ADAM22: variants seen among roughly 807,000 people sequenced by gnomAD.
The protein encoded by ADAM22 is disintegrin and metalloproteinase domain-containing protein 22.
In ADAM22, 65 loss-of-function variants were observed where a neutral mutation model predicts 144.6. The ratio of observed to expected loss-of-function variants is 0.45; its 90% CI spans 0.37 to 0.55. ADAM22 has a LOEUF of 0.55. ADAM22 is among the 20% of genes least tolerant of loss of function. The pLI is 0.00. For synonymous variants in ADAM22, 391 were observed against 412.6 expected (o/e 0.95, Z 0.63); for missense variants, 974 against 1,184.9 (o/e 0.82, Z 2.61).
chr7:88,005,258 T>G (rs1793531551), intron 3 of ADAM22, among the ~76,000 whole-genome samples: 1 of 152,098 alleles, frequency 6.6e-6, no homozygotes, highest in Non-Finnish European at 1.5e-5. Context: ...TTGGAACAGG[T>G]GCAACTCTTT....
chr7:88,068,479 C>G (rs1325368916), intron 3 of ADAM22, among the ~76,000 whole-genome samples: 2 of 152,054 alleles, frequency 1.3e-5, no homozygotes, highest in African/African-American at 4.8e-5. Context: ...TCTTATGATT[C>G]TTTTATATTG....
chr7:88,186,761 T>A, intron 30 of ADAM22, 60 bp downstream of exon 30: 1 of 1,041,120 alleles, frequency 9.6e-7, no homozygotes, highest in Non-Finnish European at 1.5e-6. Context: ...ACAAATACTG[T>A]AGTGTGACTG....
intron 3 of ADAM22, 91 bp from the exon 4 acceptor site, chr7:88,075,535 G>T: frequency 9.2e-7 from 1 of 1,091,844 alleles, no homozygotes; most frequent in Non-Finnish European, 1.4e-6. Context: ...TTAAAGAATT[G>T]TTAAAGCAGA....
chr7:87,968,779 C>T (rs189111487), intron 2 of ADAM22, among the ~76,000 whole-genome samples: 9 of 152,218 alleles, frequency 5.9e-5, no homozygotes, highest in East Asian at 3.9e-4. Context: ...ACTGCTATAA[C>T]GAAATACCTG....
At chr7:87,971,357 G>A (rs2129447277) in intron 2 of ADAM22, among the ~76,000 whole-genome samples, 1 of 152,226 alleles carries the variant, frequency 6.6e-6, no homozygotes, top group African/African-American at 2.4e-5. Flanking sequence ...GAAATATGAT[G>A]AAAAAGGCCT....
At chr7:87,953,985 C>A (rs938710338) in intron 2 of ADAM22, among the ~76,000 whole-genome samples, 1 of 151,440 alleles carries the variant, frequency 6.6e-6, no homozygotes, top group African/African-American at 2.4e-5. Context: ...TTTTGTTTTC[C>A]ATTTGCTTGG....
intron 17 of ADAM22, among the ~76,000 whole-genome samples, 181 bp downstream of exon 17, chr7:88,145,688 C>T (rs1476544981): frequency 6.6e-6 from 1 of 151,978 alleles, no homozygotes; most frequent in Non-Finnish European, 1.5e-5. Context: ...ATTATTATTC[C>T]CATCTAAAAG....
chr7:88,150,687 T>G (rs1023947427), intron 18 of ADAM22, among the ~76,000 whole-genome samples: 2 of 152,198 alleles, frequency 1.3e-5, no homozygotes, highest in Non-Finnish European at 2.9e-5. Flanking sequence ...TCTTTTTATT[T>G]GCTGCTATGT....
At chr7:87,980,287 C>CT (rs71120015) in intron 3 of ADAM22, among the ~76,000 whole-genome samples, 5,898 of 118,412 alleles carry the variant, frequency 0.05, 296 homozygotes, top group South Asian at 0.1. Flanking sequence ...GCACTGTGCT[C>CT]TTTTTTTTTT....
intron 3 of ADAM22, among the ~76,000 whole-genome samples, chr7:88,058,476 A>T (rs1563124603): frequency 6.6e-6 from 1 of 152,212 alleles, no homozygotes; most frequent in East Asian, 1.9e-4. Flanking sequence ...TAATAGGATA[A>T]CAGATTATTA....
intron 3 of ADAM22, among the ~76,000 whole-genome samples, chr7:88,005,179 C>G (rs1485066504): frequency 6.6e-6 from 1 of 152,150 alleles, no homozygotes; most frequent in African/African-American, 2.4e-5. Context: ...TGTTCACCCA[C>G]TCACTCCCCA....
At chr7:88,177,661 A>G (rs554158750) in intron 26 of ADAM22, among the ~76,000 whole-genome samples, 1 of 152,330 alleles carries the variant, frequency 6.6e-6, no homozygotes, top group Admixed American at 6.5e-5. Context: ...TGTGTAACTA[A>G]ATAGCATTAA....
At chr7:87,974,002 G>T (rs1851222660) in intron 2 of ADAM22, among the ~76,000 whole-genome samples, 2 of 151,834 alleles carry the variant, frequency 1.3e-5, no homozygotes, top group South Asian at 2.1e-4. Flanking sequence ...ACGAGTTAAT[G>T]GGTGCAGCAC....
At chr7:87,977,148 G>C (rs571675011) in intron 2 of ADAM22, among the ~76,000 whole-genome samples, 1 of 152,298 alleles carries the variant, frequency 6.6e-6, no homozygotes, top group East Asian at 1.9e-4. Context: ...GAATGTGTTA[G>C]CAACAGAAGT....
chr7:87,968,677 G>A (rs1422194965), intron 2 of ADAM22, among the ~76,000 whole-genome samples: 1 of 152,152 alleles, frequency 6.6e-6, no homozygotes, highest in African/African-American at 2.4e-5. Context: ...AGCTGTGACT[G>A]TGCAACTGCA....
intron 29 of ADAM22, among the ~76,000 whole-genome samples, chr7:88,182,690 A>G (rs1337632979): frequency 2.0e-5 from 3 of 152,276 alleles, no homozygotes; most frequent in Admixed American, 2.0e-4. Context: ...ATTTATAATG[A>G]AGTAAATAAT....
At chr7:88,168,376 TG>T in intron 25 of ADAM22, 149 bp downstream of exon 25, 1 of 774,430 alleles carries the variant, frequency 1.3e-6, no homozygotes, top group Non-Finnish European at 2.3e-6. Flanking sequence ...TGCTTATTCT[TG>T]GCATGGCGAG....
intron 2 of ADAM22, among the ~76,000 whole-genome samples, chr7:87,950,789 C>CTTAA (rs1844867039): frequency 6.7e-6 from 1 of 149,988 alleles, no homozygotes; most frequent in Non-Finnish European, 1.5e-5. Context: ...TCCACATCCT[C>CTTAA]TCCAGCACCT....
intron 13 of ADAM22, among the ~76,000 whole-genome samples, chr7:88,135,547 A>C (rs539811279): frequency 1.3e-5 from 2 of 152,212 alleles, no homozygotes; most frequent in South Asian, 4.2e-4. Context: ...CCTAACCAAT[A>C]ATATATTACA....
Sources: allele counts gnomAD v4.1 joint callset (sites outside exome capture counted in the v4.1 genomes callset), GRCh38; gene constraint gnomAD v4.1.1; transcripts MANE v1.5; gene names NCBI Gene and HGNC (gene_info 2026-07-23, HGNC 2026-07-21).